The following TANK variants were observed in gnomAD, a reference collection of about 807,000 sequenced individuals.
TANK encodes the protein TRAF family member associated NFKB activator.
A neutral mutation model predicts 43.6 loss-of-function variants in TANK; 15 were observed. That is an observed-to-expected ratio of 0.34 (90% CI 0.23 to 0.53). TANK has a LOEUF of 0.53. Ranked by LOEUF, TANK falls within the 20% of genes least tolerant of loss-of-function variation. TANK has a pLI of 0.94. For missense variants in TANK, 417 were observed against 498.6 expected (o/e 0.84, Z 1.56); for synonymous variants, 162 against 178.2 (o/e 0.91, Z 0.73).
chr2:161,167,772 G>T (rs555349869), intron 1 of TANK, among the ~76,000 whole-genome samples: 2 of 151,964 alleles, frequency 1.3e-5, no homozygotes, highest in African/African-American at 4.8e-5. Context: ...ACAAATGCCC[G>T]CCACCACGAC....
At chr2:161,183,342 T>C (rs921207649) in intron 2 of TANK, among the ~76,000 whole-genome samples, 2 of 152,180 alleles carry the variant, frequency 1.3e-5, no homozygotes, top group Non-Finnish European at 2.9e-5. Context: ...TGAAATGAAG[T>C]TTAGAATTTG....
intron 1 of TANK, among the ~76,000 whole-genome samples, chr2:161,177,887 C>A (rs140857186): frequency 6.6e-6 from 1 of 152,146 alleles, no homozygotes; most frequent in African/African-American, 2.4e-5. Flanking sequence ...GGATAAATTG[C>A]CAGAGTTACA....
intron 6 of TANK, among the ~76,000 whole-genome samples, chr2:161,229,364 T>C (rs1687793609): frequency 6.6e-6 from 1 of 152,160 alleles, no homozygotes; most frequent in South Asian, 2.1e-4. Context: ...TCAAAAGATT[T>C]TATTAGGAAG....
At chr2:161,185,163 C>A (rs62194214) in intron 2 of TANK, among the ~76,000 whole-genome samples, 13,931 of 151,978 alleles carry the variant, frequency 0.092, 796 homozygotes, top group Non-Finnish European at 0.13. Flanking sequence ...AAAAACTACT[C>A]TACAAGGTAA....
intron 1 of TANK, among the ~76,000 whole-genome samples, chr2:161,178,006 T>C (rs1391835129): frequency 1.3e-5 from 2 of 152,030 alleles, no homozygotes; most frequent in African/African-American, 4.8e-5. Flanking sequence ...ATTTTTTAAG[T>C]GGACTATAAG....
At chr2:161,207,364 G>T in intron 4 of TANK, 1 of 963,906 alleles carries the variant, frequency 1.0e-6, no homozygotes, top group Non-Finnish European at 1.2e-6. Context: ...TAGGGGAAAG[G>T]TTTATGTTTT....
At chr2:161,146,639 T>C (rs1683918251) in intron 1 of TANK, among the ~76,000 whole-genome samples, 1 of 152,144 alleles carries the variant, frequency 6.6e-6, no homozygotes, top group Non-Finnish European at 1.5e-5. Context: ...GTGTTTGCTC[T>C]TGCACCTGGA....
chr2:161,140,914 C>A (rs1333679239), intron 1 of TANK, among the ~76,000 whole-genome samples: 1 of 151,926 alleles, frequency 6.6e-6, no homozygotes, highest in Non-Finnish European at 1.5e-5. Context: ...CCCTTCCTAC[C>A]CCCACCACTC....
chr2:161,161,728 T>G, intron 1 of TANK: 1 of 256,734 alleles, frequency 3.9e-6, no homozygotes, highest in Admixed American at 4.6e-5. Flanking sequence ...TGTGTAGATG[T>G]ACCAAATTAT....
At chr2:161,149,360 T>C (rs1684007821) in intron 1 of TANK, among the ~76,000 whole-genome samples, 1 of 152,342 alleles carries the variant, frequency 6.6e-6, no homozygotes, top group African/African-American at 2.4e-5. Flanking sequence ...GCTAAATTCA[T>C]TTATTAGCTC....
intron 2 of TANK, among the ~76,000 whole-genome samples, chr2:161,186,159 A>C (rs1172614704): frequency 6.6e-6 from 1 of 152,140 alleles, no homozygotes; most frequent in African/African-American, 2.4e-5. Context: ...ACTGCACTCC[A>C]CCCTGGTGAC....
intron 2 of TANK, among the ~76,000 whole-genome samples, chr2:161,195,356 A>G (rs1353322518): frequency 6.6e-6 from 1 of 152,200 alleles, no homozygotes; most frequent in Non-Finnish European, 1.5e-5. Context: ...ATCAAGAAGA[A>G]AGGTAAATTG....
intron 1 of TANK, among the ~76,000 whole-genome samples, chr2:161,173,131 C>T (rs917256804): frequency 2.0e-5 from 3 of 152,170 alleles, no homozygotes; most frequent in Non-Finnish European, 4.4e-5. Context: ...CCAGTGTACT[C>T]TACAGCTCTA....
At chr2:161,176,220 T>A (rs1260289045) in intron 1 of TANK, among the ~76,000 whole-genome samples, 1 of 152,122 alleles carries the variant, frequency 6.6e-6, no homozygotes, top group Non-Finnish European at 1.5e-5. Context: ...ATGCCAAAAA[T>A]AAATAAATAA....
rs1167683913 is a variant in TANK at position 161,231,057 on chromosome 2, A to G, written c.607A>G (p.Asn203Asp). The change falls in exon 7 of 8, where the codon AAT becomes GAT. Residue 203 changes from asparagine (N) to aspartate (D), a missense_variant. Transcript: ENST00000392749. Reference sequence around the variant, plus strand: ...TAAGCCTCAGGCTAAAGATGATATAAATAGAGGTGCACCATCCATCACATC... The same window carrying G: ...TAAGCCTCAGGCTAAAGATGATATAGATAGAGGTGCACCATCCATCACATC... ...LFKPQAKDDI[N>D]RGAPSITSVT... is the part of the protein sequence containing the mutation. 2.5e-6 allele frequency: 4 copies of G among 1,614,162 alleles called. No individual in the cohort carries two copies. Among genetic ancestry groups the G allele is most frequent in the Non-Finnish European group, 3.4e-6 (4 of 1,180,010 alleles).
chr2:161,212,747 C>G (rs1686947371), intron 4 of TANK: 5 of 985,160 alleles, frequency 5.1e-6, no homozygotes, highest in Non-Finnish European at 6.0e-6. Context: ...AGAGTCTATC[C>G]AGCCCTGATT....
intron 4 of TANK, among the ~76,000 whole-genome samples, chr2:161,218,258 A>G (rs908978621): frequency 8.5e-5 from 13 of 152,152 alleles, no homozygotes; most frequent in African/African-American, 2.9e-4. Context: ...AGTGATAAAT[A>G]TATTTTTTAT....
intron 1 of TANK, among the ~76,000 whole-genome samples, chr2:161,140,322 T>C (rs963380246): frequency 1.3e-5 from 2 of 152,172 alleles, no homozygotes; most frequent in East Asian, 3.8e-4. Context: ...CTATTTTTCA[T>C]GCAGCTTAGT....
upstream of TANK, among the ~76,000 whole-genome samples, chr2:161,159,980 G>A (rs1042699005): frequency 6.6e-6 from 1 of 152,176 alleles, no homozygotes; most frequent in Non-Finnish European, 1.5e-5. Context: ...AGGATCTGTT[G>A]AAAATGCAGG....
Sources: gnomAD v4.1 joint callset for allele counts (sites outside exome capture counted in the v4.1 genomes callset) on GRCh38, gnomAD v4.1.1 for gene constraint, MANE v1.5 for transcripts, NCBI Gene and HGNC (gene_info 2026-07-23, HGNC 2026-07-21) for gene names.